The following SNRPN variants were observed in gnomAD, a reference collection of about 807,000 sequenced individuals.
SNRPN encodes small nuclear ribonucleoprotein polypeptide N.
SNRPN carries 7 observed loss-of-function variants against 25.2 expected under a neutral mutation model. That is an observed-to-expected ratio of 0.28 (90% CI 0.16 to 0.52). SNRPN has a LOEUF of 0.52. SNRPN is among the 20% of genes least tolerant of loss of function. The pLI, the probability that SNRPN is intolerant of heterozygous loss-of-function variation, is 0.96. For missense variants in SNRPN, 196 were observed against 322.5 expected, an observed-to-expected ratio of 0.61 and a Z score of 3.00; for synonymous variants, 124 against 110.6, an observed-to-expected ratio of 1.12 and a Z score of -0.76.
At chr15:24,830,667 T>C (rs1258915347) in intron 2 of SNRPN, among the ~76,000 whole-genome samples, 1 of 152,124 alleles carries the variant, frequency 6.6e-6, no homozygotes, top group Non-Finnish European at 1.5e-5. Flanking sequence ...AAAAAATTTC[T>C]CTTGAGATTT....
intron 2 of SNRPN, among the ~76,000 whole-genome samples, chr15:24,898,944 G>C (rs114825671): frequency 6.6e-6 from 1 of 152,106 alleles, no homozygotes; most frequent in Non-Finnish European, 1.5e-5. Context: ...AGGCTGTGGG[G>C]GTTGAAAGGA....
At chr15:24,963,451 C>T (rs2075152118) in intron 2 of SNRPN, among the ~76,000 whole-genome samples, 1 of 151,666 alleles carries the variant, frequency 6.6e-6, no homozygotes, top group African/African-American at 2.4e-5. Context: ...CCCGTCTCTC[C>T]TAAAAATACA....
chr15:24,861,452 C>T (rs60049340), intron 1 of SNRPN, among the ~76,000 whole-genome samples: 4 of 152,112 alleles, frequency 2.6e-5, no homozygotes, highest in Admixed American at 2.6e-4. Flanking sequence ...AGGGCAGTTG[C>T]CATGCCTGGA....
At chr15:24,977,671 T>C in intron 7 of SNRPN, 107 bp from the exon 8 acceptor site, 12 of 1,106,938 alleles carry the variant, frequency 1.1e-5, no homozygotes, top group Non-Finnish European at 1.5e-5. Flanking sequence ...AGAAGTACAT[T>C]GCAACAGTTG....
At chr15:24,845,079 A>G (rs1416767061) in intron 2 of SNRPN, among the ~76,000 whole-genome samples, 1 of 152,124 alleles carries the variant, frequency 6.6e-6, no homozygotes, top group Admixed American at 6.6e-5. Flanking sequence ...CCTTTCTTCA[A>G]TTCAAGAAAA....
intron 3 of SNRPN, among the ~76,000 whole-genome samples, chr15:24,949,732 C>A (rs79084337): frequency 1.3e-5 from 2 of 152,256 alleles, no homozygotes; most frequent in South Asian, 2.1e-4. Flanking sequence ...TGTCAGGGTT[C>A]TTCCATGTTG....
At chr15:24,855,640 A>C (rs959003889), upstream of SNRPN, among the ~76,000 whole-genome samples, 3 of 151,882 alleles carry the variant, frequency 2.0e-5, no homozygotes, top group Non-Finnish European at 4.4e-5. Context: ...AAATACAAAA[A>C]AATTATCCAG....
chr15:24,965,781 A>G (rs1596265730), intron 2 of SNRPN, among the ~76,000 whole-genome samples: 2 of 152,154 alleles, frequency 1.3e-5, no homozygotes, highest in East Asian at 3.9e-4. Flanking sequence ...TCATTTTCTC[A>G]GTCTTTAATC....
chr15:24,952,498 T>C (rs1596118789), upstream of SNRPN, among the ~76,000 whole-genome samples: 1 of 152,192 alleles, frequency 6.6e-6, no homozygotes. Flanking sequence ...TCAGACCTAT[T>C]ATTAACTAAC....
intron 1 of SNRPN, among the ~76,000 whole-genome samples, chr15:24,860,131 A>G (rs928770463): frequency 6.6e-6 from 1 of 152,170 alleles, no homozygotes; most frequent in African/African-American, 2.4e-5. Context: ...ACAGATGGAC[A>G]TTTGTTTGCC....
chr15:24,867,853 C>T (rs956405471), intron 1 of SNRPN, among the ~76,000 whole-genome samples: 1 of 152,004 alleles, frequency 6.6e-6, no homozygotes, highest in Non-Finnish European at 1.5e-5. Flanking sequence ...GTTCTTTGTT[C>T]CTCCTCCTGT....
At chr15:24,952,387 T>C (rs575913090), upstream of SNRPN, among the ~76,000 whole-genome samples, 5 of 152,302 alleles carry the variant, frequency 3.3e-5, no homozygotes, top group South Asian at 1.0e-3. Context: ...AAAATTGAAT[T>C]GTTGGGAGAC....
rs376436041 is a variant in SNRPN, at chr15:24,941,244, TG to T, written c.-390-20867del. Among the ~76,000 whole-genome samples the T allele has an allele frequency of 8.2e-3, 1,252 of 152,352 alleles. 14 individuals are homozygous for T. Among genetic ancestry groups the T allele is most frequent in the African/African-American group, 0.028 (1,148 of 41,584 alleles). On this transcript the variant is annotated intron_variant, in intron 3 of 11. Transcript: ENST00000400097. ...CATCTGCCTTGGCCTCCCAAAGTGCTGGGATTATAGGCGTGAGCCACTGCAC... is the reference window on the plus strand; with the variant it reads ...CATCTGCCTTGGCCTCCCAAAGTGCTGGATTATAGGCGTGAGCCACTGCAC...
intron 3 of SNRPN, among the ~76,000 whole-genome samples, chr15:24,940,447 C>T (rs138460126): frequency 1.2e-4 from 18 of 152,284 alleles, no homozygotes; most frequent in East Asian, 1.2e-3. Flanking sequence ...CCCAGTACCA[C>T]GTGTTGAAAA....
At chr15:24,845,038 T>C (rs1750418581) in intron 2 of SNRPN, among the ~76,000 whole-genome samples, 1 of 152,200 alleles carries the variant, frequency 6.6e-6, no homozygotes, top group Non-Finnish European at 1.5e-5. Flanking sequence ...GAATGCTCTG[T>C]TGTTTTAGGA....
At chr15:24,881,653 CA>C (rs2056692719) in intron 1 of SNRPN, among the ~76,000 whole-genome samples, 1 of 140,098 alleles carries the variant, frequency 7.1e-6, no homozygotes. Flanking sequence ...CAGAGTGAAA[CA>C]AAAACTAAAA....
At chr15:24,923,696 T>G (rs2060172521) in intron 3 of SNRPN, among the ~76,000 whole-genome samples, 1 of 151,954 alleles carries the variant, frequency 6.6e-6, no homozygotes, top group Non-Finnish European at 1.5e-5. Context: ...TTGAGCAAAA[T>G]AATCTAGGCA....
chr15:24,908,132 A>G (rs1385978386), intron 2 of SNRPN, among the ~76,000 whole-genome samples: 1 of 151,522 alleles, frequency 6.6e-6, no homozygotes, highest in Admixed American at 6.6e-5. Flanking sequence ...AAATTATGCC[A>G]GTGACTTGAT....
intron 2 of SNRPN, among the ~76,000 whole-genome samples, chr15:24,902,803 C>T (rs932118141): frequency 1.3e-5 from 2 of 152,196 alleles, no homozygotes; most frequent in African/African-American, 2.4e-5. Context: ...GCGTTACAAG[C>T]TCGTAAAGGT....
Sources: gnomAD v4.1 joint callset for allele counts (sites outside exome capture counted in the v4.1 genomes callset) on GRCh38, gnomAD v4.1.1 for gene constraint, MANE v1.5 for transcripts, NCBI Gene and HGNC (gene_info 2026-07-23, HGNC 2026-07-21) for gene names.